Variants in INSR observed in about 807,000 individuals in gnomAD.
The protein encoded by INSR is insulin receptor.
Under a neutral mutation model 142.6 loss-of-function variants are expected in INSR, and 67 were observed. That is an observed-to-expected ratio of 0.47 (90% CI 0.39 to 0.58). The LOEUF is 0.58. Ranked by LOEUF, INSR falls within the 20% of genes least tolerant of loss-of-function variation. The probability of loss-of-function intolerance (pLI) is 0.00; values close to 1 mark genes in which losing one functional copy is unlikely to be tolerated. For missense variants in INSR, 1,248 were observed against 1,833.2 expected (o/e 0.68, Z 5.83); for synonymous variants, 756 against 743.1 (o/e 1.02, Z -0.28).
rs148577005 is a variant in INSR at position 7,136,704 on chromosome 19, T to A, written c.2683-4387A>T. Among the ~76,000 whole-genome samples, 395 of 151,938 alleles carry A rather than the reference T, an allele frequency of 2.6e-3. 1 individual carries two copies. The highest frequency in any genetic ancestry group is 8.9e-3 in the African/African-American group (368 of 41,372). On this transcript the variant is annotated intron_variant, in intron 13 of 21. Transcript: ENST00000302850. Reference sequence around the variant, plus strand: ...GAGAAAATGAAAGGAGAATGTGAGGTTACAGTCACCTTCTTAAGAACCTTT... The same window carrying A: ...GAGAAAATGAAAGGAGAATGTGAGGATACAGTCACCTTCTTAAGAACCTTT...
At chr19:7,162,246 G>T (rs1414395133) in intron 9 of INSR, among the ~76,000 whole-genome samples, 1 of 150,794 alleles carries the variant, frequency 6.6e-6, no homozygotes, top group East Asian at 2.0e-4. Flanking sequence ...AGAATCGCTT[G>T]CGCCTGGGAG....
chr19:7,258,190 T>G (rs891331061), intron 2 of INSR, among the ~76,000 whole-genome samples: 5 of 152,152 alleles, frequency 3.3e-5, no homozygotes, highest in Non-Finnish European at 7.3e-5. Flanking sequence ...GTCCCAGCAC[T>G]TTGGGAGGCC....
At chr19:7,136,603 G>C (rs1324084856) in intron 13 of INSR, among the ~76,000 whole-genome samples, 2 of 151,822 alleles carry the variant, frequency 1.3e-5, no homozygotes, top group Non-Finnish European at 2.9e-5. Flanking sequence ...ATCCCCAACA[G>C]CCTCTGCCCC....
At chr19:7,245,651 G>A (rs1272163377) in intron 2 of INSR, among the ~76,000 whole-genome samples, 1 of 151,566 alleles carries the variant, frequency 6.6e-6, no homozygotes, top group Non-Finnish European at 1.5e-5. Flanking sequence ...TCACTGTGTT[G>A]GCCAGGCTGG....
At chr19:7,205,341 T>G (rs1975080319) in intron 2 of INSR, among the ~76,000 whole-genome samples, 2 of 152,210 alleles carry the variant, frequency 1.3e-5, no homozygotes, top group African/African-American at 2.4e-5. Flanking sequence ...ACGCCCGGGT[T>G]GTTAATTTCC....
intron 2 of INSR, among the ~76,000 whole-genome samples, chr19:7,193,729 G>A (rs1247644030): frequency 1.3e-5 from 2 of 150,644 alleles, no homozygotes; most frequent in Non-Finnish European, 3.0e-5. Context: ...TCACTCTGTC[G>A]CCCAGGCTGG....
chr19:7,229,316 G>GGATGGATA (rs1975891091), intron 2 of INSR, among the ~76,000 whole-genome samples: 1 of 65,870 alleles, frequency 1.5e-5, no homozygotes, highest in African/African-American at 6.0e-5. Flanking sequence ...ATGGATGGAT[G>GGATGGATA]GATGGATGGA....
chr19:7,235,023 A>C (rs1270076353), intron 2 of INSR, among the ~76,000 whole-genome samples: 1 of 152,000 alleles, frequency 6.6e-6, no homozygotes, highest in Admixed American at 6.6e-5. Context: ...GCATCACTGC[A>C]CTCCAGACTG....
At chr19:7,143,129 C>T (rs748686590) in intron 11 of INSR, 39 bp from the exon 12 acceptor site, 1 of 1,608,520 alleles carries the variant, frequency 6.2e-7, no homozygotes, top group Admixed American at 1.7e-5. Context: ...ACACCATCAC[C>T]ATCATTTTTT....
intron 2 of INSR, among the ~76,000 whole-genome samples, chr19:7,237,861 T>C (rs985822193): frequency 3.3e-5 from 5 of 151,810 alleles, no homozygotes; most frequent in African/African-American, 1.2e-4. Context: ...TTAAATTAAA[T>C]TTTTAAAAAT....
intron 2 of INSR, among the ~76,000 whole-genome samples, chr19:7,199,222 G>A (rs12610983): frequency 0.37 from 56,554 of 151,748 alleles, 10,822 homozygotes; most frequent in East Asian, 0.45. Flanking sequence ...CATCAATGAG[G>A]TCATATTAAC....
intron 2 of INSR, among the ~76,000 whole-genome samples, chr19:7,198,469 G>T (rs1021552090): frequency 6.6e-6 from 1 of 152,266 alleles, no homozygotes; most frequent in Non-Finnish European, 1.5e-5. Flanking sequence ...AGCATCCACC[G>T]GGGTGGCTTA....
chr19:7,208,557 A>G (rs926142530), intron 2 of INSR, among the ~76,000 whole-genome samples: 2 of 152,196 alleles, frequency 1.3e-5, no homozygotes, highest in Non-Finnish European at 2.9e-5. Context: ...TAAGAGAACA[A>G]TTCTCAAGCC....
chr19:7,141,754 A>C lies in INSR; in HGVS notation c.2605T>G (p.Leu869Val), dbSNP rs772827013. 3.7e-6 allele frequency: 6 copies of C among 1,614,216 alleles called. No homozygotes were observed. In the South Asian group the frequency reaches 6.6e-5, roughly 18 times the overall value. Reference sequence around the variant, plus strand: ...GGCTCCTTCGGCTCCTGCCACATCAAGTGGACGACGTTGTTCTCAAAGATT... The same window carrying C: ...GGCTCCTTCGGCTCCTGCCACATCACGTGGACGACGTTGTTCTCAAAGATT... ...HEIFENNVVH[L>V]MWQEPKEPNG... is the part of the protein sequence containing the mutation. Residue 869 changes from leucine to valine, a missense_variant, in exon 13 of 22, where the codon TTG becomes GTG. Coordinates refer to ENST00000302850, the MANE Select transcript of INSR (RefSeq NM_000208.4).
intron 2 of INSR, among the ~76,000 whole-genome samples, chr19:7,263,195 T>C (rs1238688330): frequency 1.3e-5 from 2 of 151,638 alleles, no homozygotes; most frequent in African/African-American, 4.8e-5. Flanking sequence ...AGGAGAATCA[T>C]TTGAATCCAG....
In INSR at chr19:7,132,173, A is replaced by C; in HGVS notation, c.2827T>G (p.Tyr943Asp). ...NGSWTEPTYF[Y>D]VTDYLDVPSN... ...GGAGACTTACAATAGTCTGTCACGT[A>C]GAAATAGGTGGGTTCCGTCCAAGAG... Residue 943 changes from tyrosine (Y) to aspartate (D), a missense_variant, in exon 14 of 22, where the codon TAC becomes GAC. By Grantham distance (160) the Tyr-to-Asp change is radical. Transcript: ENST00000302850. 6.2e-7 allele frequency: 1 copy of C among 1,614,140 alleles called. No individual in the cohort carries two copies. Among genetic ancestry groups the C allele is most frequent in the African/African-American group, 1.3e-5 (1 of 75,056 alleles).
intron 19 of INSR, 135 bp from the exon 20 acceptor site, chr19:7,120,884 C>T: frequency 9.7e-7 from 1 of 1,034,734 alleles, no homozygotes; most frequent in Non-Finnish European, 1.5e-6. Flanking sequence ...TGGGTGGTGG[C>T]CAAATCCAGT....
chr19:7,124,825 T>C (rs1453182742), intron 17 of INSR, among the ~76,000 whole-genome samples: 5 of 146,972 alleles, frequency 3.4e-5, no homozygotes, highest in Non-Finnish European at 6.0e-5. Flanking sequence ...GCAGGAAGAG[T>C]TGGTGCTGCC....
At chr19:7,157,630 C>T (rs139736461) in intron 9 of INSR, among the ~76,000 whole-genome samples, 88 of 152,082 alleles carry the variant, frequency 5.8e-4, no homozygotes, top group Non-Finnish European at 9.7e-4. Flanking sequence ...GTTCTTGTGA[C>T]CCACGGTGCA....
Sources: allele counts gnomAD v4.1 joint callset (sites outside exome capture counted in the v4.1 genomes callset), GRCh38; gene constraint gnomAD v4.1.1; transcripts MANE v1.5; gene names NCBI Gene and HGNC (gene_info 2026-07-23, HGNC 2026-07-21).